STIM1: variants seen among roughly 807,000 people sequenced by gnomAD.
The protein encoded by STIM1 is stromal interaction molecule 1.
Under a neutral mutation model 74.7 loss-of-function variants are expected in STIM1, and 25 were observed. The observed-to-expected ratio is 0.33, with a 90% CI of 0.24 to 0.47. The LOEUF (loss-of-function observed/expected upper bound fraction) is 0.47, where lower values mean the gene tolerates loss of function less well. Among genes scored for constraint, STIM1 ranks in the 20% least tolerant of loss-of-function variants. The pLI is 1.00. For missense variants in STIM1, 728 were observed against 920.8 expected (o/e 0.79, Z 2.71); for synonymous variants, 328 against 348.8 (o/e 0.94, Z 0.66).
intron 2 of STIM1, chr11:3,974,006 T>A (rs1030798343): frequency 2.9e-6 from 2 of 685,708 alleles, no homozygotes; most frequent in Non-Finnish European, 5.3e-6. Context: ...TCTGTCCACC[T>A]TATGTAGCCT....
intron 2 of STIM1, among the ~76,000 whole-genome samples, chr11:3,975,473 G>T (rs2093438205): frequency 6.6e-6 from 1 of 150,966 alleles, no homozygotes; most frequent in Non-Finnish European, 1.5e-5. Context: ...AAAAAAATTA[G>T]CTGGTGTGGT....
chr11:3,915,400 A>AT (rs34874358), intron 1 of STIM1, among the ~76,000 whole-genome samples: 52,246 of 143,276 alleles, frequency 0.36, 11,176 homozygotes, highest in Admixed American at 0.47. Context: ...CTAGTTTTTA[A>AT]TTTTTTTTTT....
intron 1 of STIM1, among the ~76,000 whole-genome samples, chr11:3,939,282 A>G (rs1389737837): frequency 6.6e-6 from 1 of 152,176 alleles, no homozygotes; most frequent in African/African-American, 2.4e-5. Flanking sequence ...TCTGGCTCTG[A>G]GATTCTGTGA....
At chr11:3,900,648 C>A (rs555287469) in intron 1 of STIM1, among the ~76,000 whole-genome samples, 1 of 152,168 alleles carries the variant, frequency 6.6e-6, no homozygotes, top group Non-Finnish European at 1.5e-5. Context: ...TGCAGGTTTG[C>A]GATCACAGCT....
At chr11:4,049,346 A>G (rs948969062) in intron 3 of STIM1, among the ~76,000 whole-genome samples, 6 of 139,264 alleles carry the variant, frequency 4.3e-5, no homozygotes, top group South Asian at 2.3e-4. Flanking sequence ...TTTTTTTGAG[A>G]CAGGCTCTCA....
At chr11:3,975,574 C>T (rs1014249606) in intron 2 of STIM1, among the ~76,000 whole-genome samples, 1 of 151,964 alleles carries the variant, frequency 6.6e-6, no homozygotes, top group African/African-American at 2.4e-5. Context: ...GTGGAGATCG[C>T]ACCACTGCAT....
At chr11:3,863,939 G>A (rs2135226898) in intron 1 of STIM1, among the ~76,000 whole-genome samples, 1 of 152,092 alleles carries the variant, frequency 6.6e-6, no homozygotes, top group Non-Finnish European at 1.5e-5. Context: ...GTATGTGTAG[G>A]AAAAAACATA....
intron 3 of STIM1, among the ~76,000 whole-genome samples, chr11:4,036,939 G>T (rs2094108359): frequency 6.6e-6 from 1 of 152,186 alleles, no homozygotes; most frequent in African/African-American, 2.4e-5. Flanking sequence ...GAGTGAACAG[G>T]CAACCTACAG....
At chr11:4,024,097 A>G in intron 3 of STIM1, 110 bp downstream of exon 3, 2 of 808,760 alleles carry the variant, frequency 2.5e-6, no homozygotes, top group Admixed American at 2.0e-5. Flanking sequence ...TAAAGGGCAA[A>G]TTATTGAAGT....
Position 4,002,382 on chromosome 11 carries a change from A to AT in STIM1, c.271-21491_271-21490insT, listed in dbSNP as rs540783631. On this transcript the variant is annotated intron_variant, in intron 2 of 12. Coordinates refer to ENST00000526596, the MANE Select transcript of STIM1 (RefSeq NM_001382567.1). ...TGTAAAAGATCAGACATTATAACAA[A>AT]CTGTCTCTCAGACCACAGTGCAATC... Among the ~76,000 whole-genome samples the AT allele has an allele frequency of 4.7e-4, 72 of 152,344 alleles. No individual in the cohort carries two copies. In the East Asian group the frequency reaches 0.013, roughly 28 times the overall value.
At chr11:3,902,153 A>G (rs371849412) in intron 1 of STIM1, among the ~76,000 whole-genome samples, 43 of 152,328 alleles carry the variant, frequency 2.8e-4, no homozygotes, top group African/African-American at 1.0e-3. Context: ...AACTTAATCT[A>G]ATAGAGATGA....
rs551152856 is a variant in STIM1, at chr11:3,867,609, A to G, written c.139+11200A>G. 2.1e-4 allele frequency among the ~76,000 whole-genome samples: 32 copies of G among 152,222 alleles called. 1 individual carries two copies. Among genetic ancestry groups the G allele is most frequent in the Non-Finnish European group, 4.0e-4 (27 of 68,036 alleles). On this transcript the variant is annotated intron_variant, in intron 1 of 12. Transcript: ENST00000526596. ...GAAGATTGCTGGCTTTTTAAATGTT[A>G]TCTCTGATGCTGAGAACTCCAGCCT... is the stretch of plus-strand genomic sequence containing the variant.
intron 1 of STIM1, among the ~76,000 whole-genome samples, chr11:3,862,057 G>C (rs1352793314): frequency 2.0e-5 from 3 of 152,074 alleles, no homozygotes; most frequent in Non-Finnish European, 4.4e-5. Flanking sequence ...GAAAAAAAGA[G>C]ACCAAACTGG....
chr11:4,044,200 C>G (rs1364439897), intron 3 of STIM1, among the ~76,000 whole-genome samples: 1 of 152,074 alleles, frequency 6.6e-6, no homozygotes, highest in Non-Finnish European at 1.5e-5. Flanking sequence ...GGATGGGAGA[C>G]TTATGACATT....
intron 2 of STIM1, among the ~76,000 whole-genome samples, chr11:4,010,498 TCAA>T: frequency 6.6e-6 from 1 of 152,112 alleles, no homozygotes; most frequent in East Asian, 1.9e-4. Flanking sequence ...AAATTTAGGT[TCAA>T]CTTTTCAAAA....
chr11:4,015,166 A>G (rs2093883518), intron 2 of STIM1, among the ~76,000 whole-genome samples: 2 of 152,024 alleles, frequency 1.3e-5, no homozygotes, highest in Admixed American at 6.6e-5. Flanking sequence ...ACAATTTGGC[A>G]TATTTTTGCA....
At chr11:3,879,559 C>T (rs561511389) in intron 1 of STIM1, among the ~76,000 whole-genome samples, 5 of 152,296 alleles carry the variant, frequency 3.3e-5, no homozygotes, top group Admixed American at 3.3e-4. Flanking sequence ...TAAGACCTGT[C>T]TTTTTGCTTA....
rs369934998 is a variant in STIM1 at position 4,037,061 on chromosome 11, CT to C, written c.385+13086del. Reference sequence around the variant, plus strand: ...TTTCCTTTCTTTTCTTTCTTTCTTTCTTTTTTTTTTTTGAGATGGAGTCTCG... The same window carrying C: ...TTTCCTTTCTTTTCTTTCTTTCTTTCTTTTTTTTTTTGAGATGGAGTCTCG... On this transcript the variant is annotated intron_variant, in intron 3 of 12. Coordinates refer to ENST00000526596, the MANE Select transcript of STIM1 (RefSeq NM_001382567.1). 5.5e-3 allele frequency among the ~76,000 whole-genome samples: 797 copies of C among 145,028 alleles called. 11 individuals carry two copies. The East Asian group carries it at 0.061, about 11-fold the overall frequency.
chr11:4,027,040 C>T (rs1020802302), intron 3 of STIM1, among the ~76,000 whole-genome samples: 1 of 152,142 alleles, frequency 6.6e-6, no homozygotes, highest in Non-Finnish European at 1.5e-5. Flanking sequence ...GTGACCACCC[C>T]CCATCCTGAG....
Sources: allele counts gnomAD v4.1 joint callset (sites outside exome capture counted in the v4.1 genomes callset), GRCh38; gene constraint gnomAD v4.1.1; transcripts MANE v1.5; gene names NCBI Gene and HGNC (gene_info 2026-07-23, HGNC 2026-07-21).